NIM1K: variants seen among roughly 807,000 people sequenced by gnomAD.
NIM1K encodes the protein serine/threonine-protein kinase NIM1.
Under a neutral mutation model 37.1 loss-of-function variants are expected in NIM1K, and 35 were observed. That is an observed-to-expected ratio of 0.94 (90% CI 0.72 to 1.25). The LOEUF (loss-of-function observed/expected upper bound fraction) is 1.25, where lower values mean the gene tolerates loss of function less well. NIM1K is among the 50% of genes most tolerant of loss of function. NIM1K has a pLI of 0.00. For synonymous variants in NIM1K, 234 were observed against 206.6 expected, an observed-to-expected ratio of 1.13 and a Z score of -1.14; for missense variants, 564 against 548.0, an observed-to-expected ratio of 1.03 and a Z score of -0.29.
intron 2 of NIM1K, among the ~76,000 whole-genome samples, chr5:43,268,487 T>A (rs867586508): frequency 2.6e-5 from 4 of 152,188 alleles, no homozygotes; most frequent in Admixed American, 6.5e-5. Flanking sequence ...GCTGAGTCAC[T>A]TCTGTGGGGC....
chr5:43,273,001 C>T (rs1182554622), intron 2 of NIM1K, among the ~76,000 whole-genome samples: 2 of 152,114 alleles, frequency 1.3e-5, no homozygotes. Context: ...GTGTTGCCCG[C>T]TAGGTGGGAC....
chr5:43,268,290 G>A (rs1753200617), intron 2 of NIM1K, among the ~76,000 whole-genome samples: 1 of 152,208 alleles, frequency 6.6e-6, no homozygotes, highest in Non-Finnish European at 1.5e-5. Context: ...ATTGATGCAA[G>A]GCCAGTCATG....
At chr5:43,269,907 C>A (rs932384156) in intron 2 of NIM1K, among the ~76,000 whole-genome samples, 1 of 152,020 alleles carries the variant, frequency 6.6e-6, no homozygotes, top group South Asian at 2.1e-4. Context: ...TGTGAGCCAC[C>A]GTGCCCGGCC....
chr5:43,213,325 C>CTTTTCTTTTCTTTTCTTTTCTTT (rs1288365800), intron 1 of NIM1K, among the ~76,000 whole-genome samples: 3 of 113,954 alleles, frequency 2.6e-5, no homozygotes, highest in African/African-American at 9.9e-5. Flanking sequence ...CTTTTCTTTT[C>CTTTTCTTTTCTTTTCTTTTCTTT]TTTTCTTTTC....
intron 1 of NIM1K, chr5:43,206,787 T>G (rs1752119888): frequency 1.3e-6 from 1 of 767,134 alleles, no homozygotes; most frequent in African/African-American, 1.7e-5. Flanking sequence ...AGGCCTCCAG[T>G]CCATTTTCCA....
intron 1 of NIM1K, among the ~76,000 whole-genome samples, chr5:43,231,475 C>T (rs552071945): frequency 7.2e-5 from 11 of 152,276 alleles, no homozygotes; most frequent in East Asian, 1.9e-4. Context: ...GAATCGTTTA[C>T]CTTTTCCCAG....
chr5:43,261,478 T>C (rs1459668648), intron 2 of NIM1K, among the ~76,000 whole-genome samples: 3 of 152,228 alleles, frequency 2.0e-5, no homozygotes, highest in Non-Finnish European at 2.9e-5. Flanking sequence ...CTTGTAAATT[T>C]GTTTGAGTTC....
chr5:43,279,138 C>T (rs2111571966), intron 3 of NIM1K, among the ~76,000 whole-genome samples: 1 of 152,308 alleles, frequency 6.6e-6, no homozygotes, highest in East Asian at 1.9e-4. Context: ...AGCCATAGAT[C>T]CACATCTTAT....
chr5:43,278,207 A>G (rs73096636), intron 3 of NIM1K, among the ~76,000 whole-genome samples: 6,642 of 151,820 alleles, frequency 0.044, 526 homozygotes, highest in African/African-American at 0.15. Flanking sequence ...CACCATGCCT[A>G]GCTGATTTTG....
chr5:43,274,916 G>C (rs1011695187), intron 2 of NIM1K, among the ~76,000 whole-genome samples: 1 of 152,152 alleles, frequency 6.6e-6, no homozygotes, highest in Non-Finnish European at 1.5e-5. Context: ...ATCCTGTTCT[G>C]TCTGTTTGCT....
intron 2 of NIM1K, among the ~76,000 whole-genome samples, chr5:43,248,727 T>A (rs1018179492): frequency 2.6e-5 from 4 of 151,842 alleles, no homozygotes; most frequent in African/African-American, 9.7e-5. Context: ...AGGTATAAGT[T>A]CCAGTCTGAA....
In NIM1K at chr5:43,280,034, A is replaced by G; in HGVS notation, c.616A>G (p.Ser206Gly). The change falls in exon 4 of 4, where the codon AGT becomes GGT. Residue 206 changes from serine to glycine, a missense_variant. By Grantham distance (56) the Ser-to-Gly change is moderately conservative. Coordinates refer to ENST00000326035, the MANE Select transcript of NIM1K (RefSeq NM_153361.4). ...GAAAGCAGAAAATGTATTCTATACC[A>G]GTAATACTTGTGTGAAGGTGGGCGA... ...DLKAENVFYT[S>G]NTCVKVGDFG... 2 of 1,613,932 alleles carry G rather than the reference A, an allele frequency of 1.2e-6. No individual in the cohort carries two copies. Among genetic ancestry groups the G allele is most frequent in the Non-Finnish European group, 1.7e-6 (2 of 1,179,768 alleles).
At chr5:43,236,199 C>G (rs1752619175) in intron 1 of NIM1K, among the ~76,000 whole-genome samples, 1 of 151,970 alleles carries the variant, frequency 6.6e-6, no homozygotes, top group Non-Finnish European at 1.5e-5. Flanking sequence ...AATGGGATAT[C>G]AAGGCTGCAG....
At chr5:43,198,208 TCTTTCTTTCTTTCTTTCTTTCTTTC>T (rs1751958032) in intron 1 of NIM1K, among the ~76,000 whole-genome samples, 1 of 23,638 alleles carries the variant, frequency 4.2e-5, no homozygotes, top group Non-Finnish European at 9.0e-5. Context: ...TCTTTCTTTC[TCTTTCTTTCTTTCTTTCTTTCTTTC>T]TTTCTTTCTT....
intron 1 of NIM1K, among the ~76,000 whole-genome samples, chr5:43,202,216 C>T (rs1194437375): frequency 1.3e-5 from 2 of 151,966 alleles, no homozygotes; most frequent in African/African-American, 4.8e-5. Context: ...CAGGATCTCC[C>T]TCTGTCATGC....
At chr5:43,257,145 G>A (rs1325837496) in intron 2 of NIM1K, among the ~76,000 whole-genome samples, 1 of 151,758 alleles carries the variant, frequency 6.6e-6, no homozygotes, top group Non-Finnish European at 1.5e-5. Flanking sequence ...AGTCTTAAAT[G>A]AAGTGACGAG....
intron 1 of NIM1K, among the ~76,000 whole-genome samples, chr5:43,239,497 C>T (rs1334699597): frequency 6.6e-6 from 1 of 151,036 alleles, no homozygotes; most frequent in Non-Finnish European, 1.5e-5. Flanking sequence ...CTTGGCCTCC[C>T]AAAGTGTTGG....
At chr5:43,241,725 G>C (rs1024426306) in intron 1 of NIM1K, among the ~76,000 whole-genome samples, 1 of 151,870 alleles carries the variant, frequency 6.6e-6, no homozygotes, top group African/African-American at 2.4e-5. Context: ...TTGTTGGAAA[G>C]TTTTCCCTAT....
intron 1 of NIM1K, chr5:43,206,740 T>A: frequency 1.3e-6 from 1 of 744,600 alleles, no homozygotes; most frequent in Non-Finnish European, 2.5e-6. Flanking sequence ...CTTGACTTCA[T>A]GCTTGGCACC....
Sources: allele counts gnomAD v4.1 joint callset (sites outside exome capture counted in the v4.1 genomes callset), GRCh38; gene constraint gnomAD v4.1.1; transcripts MANE v1.5; gene names NCBI Gene and HGNC (gene_info 2026-07-23, HGNC 2026-07-21).